The following HIPK2 variants were observed in gnomAD, a reference collection of about 807,000 sequenced individuals.
HIPK2 encodes homeodomain interacting protein kinase 2, also known as homeodomain-interacting protein kinase 2.
Under a neutral mutation model 113.7 loss-of-function variants are expected in HIPK2, and 27 were observed. The observed-to-expected ratio is 0.24, with a 90% CI of 0.17 to 0.33. The LOEUF (loss-of-function observed/expected upper bound fraction) is 0.33. Ranked by LOEUF, HIPK2 falls within the 10% of genes least tolerant of loss-of-function variation. The pLI, the probability that HIPK2 is intolerant of heterozygous loss-of-function variation, is 1.00. For missense variants in HIPK2, 1,257 were observed against 1,588.0 expected (o/e 0.79, Z 3.54); for synonymous variants, 631 against 642.2 (o/e 0.98, Z 0.26).
chr7:139,588,841 C>T (rs767718496), intron 12 of HIPK2, among the ~76,000 whole-genome samples: 1 of 152,150 alleles, frequency 6.6e-6, no homozygotes, highest in Non-Finnish European at 1.5e-5. Context: ...CACACTGTTT[C>T]GAAGTACTCT....
chr7:139,623,582 G>T (rs940922624), intron 6 of HIPK2, among the ~76,000 whole-genome samples: 1 of 151,954 alleles, frequency 6.6e-6, no homozygotes, highest in South Asian at 2.1e-4. Context: ...GGAGGGATGG[G>T]TCCAGATTCC....
chr7:139,562,118 A>G lies in HIPK2; in HGVS notation c.*10809T>C, dbSNP rs766791759. 2 of 152,274 alleles carry G rather than the reference A, an allele frequency of 1.3e-5. No individual in the cohort carries two copies. Among genetic ancestry groups the G allele is most frequent in the African/African-American group, 2.4e-5 (1 of 41,474 alleles). 9.4% of individuals were successfully genotyped at this position (152,274 alleles called of 1,614,324 possible). A position where few individuals can be genotyped will look rare whatever the true frequency, so the allele number is the denominator to read the frequency against. On this transcript the variant is annotated 3_prime_UTR_variant, in exon 15 of 15. Coordinates refer to ENST00000406875, the MANE Select transcript of HIPK2 (RefSeq NM_022740.5). ...GGTTTGTCTTTAAAAAAACAAAAGT[A>G]GACATTTATAAATAAAAAAGAGGGA...
chr7:139,661,791 C>T (rs1801874797), intron 2 of HIPK2, among the ~76,000 whole-genome samples: 1 of 152,220 alleles, frequency 6.6e-6, no homozygotes, highest in South Asian at 2.1e-4. Context: ...GGGCTGCATG[C>T]AGCCTGCAGG....
chr7:139,717,038 AG>A, intron 1 of HIPK2, 23 bp from the exon 2 acceptor site: 1 of 1,593,926 alleles, frequency 6.3e-7, no homozygotes, highest in Non-Finnish European at 8.6e-7. Context: ...GAAAACGAAA[AG>A]TAAGTATCGG....
intron 2 of HIPK2, among the ~76,000 whole-genome samples, chr7:139,656,041 C>G (rs1801656221): frequency 6.6e-6 from 1 of 152,166 alleles, no homozygotes; most frequent in South Asian, 2.1e-4. Context: ...TCCAAGTCCC[C>G]TTAGGGTTGC....
intron 2 of HIPK2, among the ~76,000 whole-genome samples, chr7:139,694,428 C>CCTT (rs1794506808): frequency 6.6e-6 from 1 of 151,906 alleles, no homozygotes; most frequent in African/African-American, 2.4e-5. Flanking sequence ...CTCAGAGCTC[C>CCTT]GACAGGTGTC....
chr7:139,640,256 A>C (rs1800963140), intron 2 of HIPK2, among the ~76,000 whole-genome samples: 1 of 152,210 alleles, frequency 6.6e-6, no homozygotes, highest in Non-Finnish European at 1.5e-5. Context: ...AACAACTGTC[A>C]TTTTGGACAC....
intron 1 of HIPK2, among the ~76,000 whole-genome samples, chr7:139,746,288 T>C (rs1272276939): frequency 3.3e-5 from 5 of 152,214 alleles, no homozygotes; most frequent in African/African-American, 4.8e-5. Flanking sequence ...GCTTGCTCCC[T>C]AGCCACCTTT....
chr7:139,648,563 A>G (rs543446955), intron 2 of HIPK2, among the ~76,000 whole-genome samples: 7 of 152,294 alleles, frequency 4.6e-5, no homozygotes, highest in African/African-American at 1.7e-4. Context: ...GATAGCATCA[A>G]TAGCTTACAT....
rs1002780465 is a variant in HIPK2, at chr7:139,640,453, A to C, written c.1104-8728T>G. On this transcript the variant is annotated intron_variant, in intron 2 of 14. Transcript: ENST00000406875. ...GGGATCCCAGTGTTCACCGGGTTGA[A>C]TCCCAGCCCTGTCAGGTACTGGTTG... Among the ~76,000 whole-genome samples the C allele has an allele frequency of 5.3e-5, 8 of 152,264 alleles. No homozygotes were observed. In the East Asian group the frequency reaches 7.7e-4, roughly 15 times the overall value.
chr7:139,721,963 G>T, intron 1 of HIPK2: 1 of 387,010 alleles, frequency 2.6e-6, no homozygotes, highest in Non-Finnish European at 5.2e-6. Flanking sequence ...AGGACAGGGA[G>T]TCACCATAAC....
intron 5 of HIPK2, among the ~76,000 whole-genome samples, chr7:139,628,692 C>T (rs1800510937): frequency 6.6e-6 from 1 of 152,166 alleles, no homozygotes. Context: ...CCTTGGCCTC[C>T]CAAAGTGCTA....
At chr7:139,621,762 A>C (rs886817261) in intron 6 of HIPK2, among the ~76,000 whole-genome samples, 1 of 152,048 alleles carries the variant, frequency 6.6e-6, no homozygotes, top group Non-Finnish European at 1.5e-5. Context: ...CTCTACAAAA[A>C]AAATATAAAA....
chr7:139,626,137 C>T (rs1235456615), intron 6 of HIPK2, among the ~76,000 whole-genome samples: 2 of 149,304 alleles, frequency 1.3e-5, no homozygotes, highest in African/African-American at 5.0e-5. Flanking sequence ...GAGTCTCGCT[C>T]TGTCGCCCAG....
intron 12 of HIPK2, among the ~76,000 whole-genome samples, chr7:139,594,351 G>T (rs539483874): frequency 4.7e-4 from 71 of 152,262 alleles, no homozygotes; most frequent in South Asian, 1.2e-3. Flanking sequence ...TGTAACACCT[G>T]CAGTTCCCAG....
intron 2 of HIPK2, among the ~76,000 whole-genome samples, chr7:139,686,672 T>G (rs1430897438): frequency 6.6e-6 from 1 of 152,212 alleles, no homozygotes; most frequent in Admixed American, 6.5e-5. Flanking sequence ...TTCTAAGGGC[T>G]CCCCAGCCCT....
chr7:139,766,826 T>C (rs1044609335), intron 1 of HIPK2, among the ~76,000 whole-genome samples: 2 of 152,186 alleles, frequency 1.3e-5, no homozygotes, highest in African/African-American at 4.8e-5. Flanking sequence ...ATTACTATTG[T>C]GAGGATGATA....
At chr7:139,729,594 C>CCA (rs1208626699) in intron 1 of HIPK2, among the ~76,000 whole-genome samples, 2 of 152,142 alleles carry the variant, frequency 1.3e-5, no homozygotes, top group Non-Finnish European at 2.9e-5. Context: ...CACCTGCCAT[C>CCA]CACATTGTTC....
chr7:139,752,108 C>G (rs1201816855), intron 1 of HIPK2, among the ~76,000 whole-genome samples: 1 of 152,212 alleles, frequency 6.6e-6, no homozygotes, highest in Non-Finnish European at 1.5e-5. Context: ...CACAACCTTG[C>G]TTTTCTCTAA....
Sources: gnomAD v4.1 joint callset for allele counts (sites outside exome capture counted in the v4.1 genomes callset) on GRCh38, gnomAD v4.1.1 for gene constraint, MANE v1.5 for transcripts, NCBI Gene and HGNC (gene_info 2026-07-23, HGNC 2026-07-21) for gene names.